Variants in ZPLD1 observed in about 807,000 individuals in gnomAD.
The protein encoded by ZPLD1 is zona pellucida-like domain-containing protein 1.
ZPLD1 carries 34 observed loss-of-function variants against 47.2 expected under a neutral mutation model. The ratio of observed to expected loss-of-function variants is 0.72; its 90% CI spans 0.55 to 0.96. The LOEUF (loss-of-function observed/expected upper bound fraction) is 0.96, where lower values mean the gene tolerates loss of function less well. Among genes scored for constraint, ZPLD1 ranks in the 40% least tolerant of loss-of-function variants. ZPLD1 has a pLI of 0.00. For missense variants in ZPLD1, 512 were observed against 505.8 expected, an observed-to-expected ratio of 1.01 and a Z score of -0.12; for synonymous variants, 176 against 186.2, an observed-to-expected ratio of 0.95 and a Z score of 0.45.
chr3:102,418,345 G>A (rs914913843), intron 8 of ZPLD1: 1 of 152,016 alleles, frequency 6.6e-6, no homozygotes, highest in African/African-American at 2.4e-5. Context: ...TGTAGTTGTT[G>A]TTGTGGTTCC....
rs534808681 is a variant in ZPLD1 at position 102,443,884 on chromosome 3, T to C, written c.106+5291T>C. On this transcript the variant is annotated intron_variant, in intron 3 of 11. Coordinates refer to ENST00000466937, the MANE Select transcript of ZPLD1 (RefSeq NM_001329788.2). ...GCCAATTCTCCTTTATTCCTACTTT[T>C]TAGTGGTAGTGCTTTGGTCTCCAAG... Among the ~76,000 whole-genome samples the C allele has an allele frequency of 3.3e-5, 5 of 152,364 alleles. No individual in the cohort carries two copies. The South Asian group carries it at 1.0e-3, about 32-fold the overall frequency.
At chr3:102,455,656 A>C (rs1380910919) in intron 4 of ZPLD1, among the ~76,000 whole-genome samples, 1 of 152,182 alleles carries the variant, frequency 6.6e-6, no homozygotes, top group East Asian at 1.9e-4. Flanking sequence ...ATGATGGCTG[A>C]GGGAACTGCC....
chr3:102,425,702 A>G (rs1706937191), intron 8 of ZPLD1, among the ~76,000 whole-genome samples: 1 of 152,132 alleles, frequency 6.6e-6, no homozygotes, highest in South Asian at 2.1e-4. Flanking sequence ...TGGTAGGGAT[A>G]TAATTTTCTT....
At chr3:102,427,985 G>T (rs1317355765) in intron 8 of ZPLD1, among the ~76,000 whole-genome samples, 2 of 152,058 alleles carry the variant, frequency 1.3e-5, no homozygotes, top group Non-Finnish European at 2.9e-5. Context: ...AAGCTGAAGT[G>T]CTTCCTTTTG....
At chr3:102,432,383 T>A (rs915266862), upstream of ZPLD1, among the ~76,000 whole-genome samples, 1 of 152,210 alleles carries the variant, frequency 6.6e-6, no homozygotes, top group Non-Finnish European at 1.5e-5. Context: ...ATCTGTATGA[T>A]AAAAAACTAG....
Position 102,438,654 on chromosome 3 carries a change from C to G in ZPLD1, c.106+61C>G, listed in dbSNP as rs574367527. ...TGGAAGAGTGATTATATTTGAAGAG[C>G]AAGTCATTTAAATATATATGGAGAA... On this transcript the variant is annotated intron_variant, in intron 3 of 11. Transcript: ENST00000466937. 9.6e-5 allele frequency: 125 copies of G among 1,304,698 alleles called. No individual in the cohort carries two copies. In the African/African-American group the frequency reaches 1.4e-3, roughly 14 times the overall value. The allele number at this position is 1,304,698 out of a possible 1,614,324, so 80.8% of individuals were successfully genotyped here.
intron 7 of ZPLD1, among the ~76,000 whole-genome samples, chr3:102,413,656 G>C (rs1706771103): frequency 6.6e-6 from 1 of 151,660 alleles, no homozygotes; most frequent in South Asian, 2.1e-4. Context: ...TAACTCAGGA[G>C]AATGCCAGTA....
intron 3 of ZPLD1, among the ~76,000 whole-genome samples, chr3:102,451,285 C>T (rs1707333256): frequency 6.6e-6 from 1 of 152,108 alleles, no homozygotes; most frequent in Non-Finnish European, 1.5e-5. Context: ...TAATTCTATG[C>T]TAAAAAACTT....
At chr3:102,427,532 A>T (rs543151326) in intron 8 of ZPLD1, among the ~76,000 whole-genome samples, 1 of 152,288 alleles carries the variant, frequency 6.6e-6, no homozygotes, top group African/African-American at 2.4e-5. Context: ...AAAGGAGGTG[A>T]TATTTGAAGG....
intron 7 of ZPLD1, among the ~76,000 whole-genome samples, chr3:102,400,519 C>T (rs958445541): frequency 1.3e-5 from 2 of 152,048 alleles, no homozygotes; most frequent in Non-Finnish European, 2.9e-5. Context: ...CACCCTCTGC[C>T]TTCTCCATGC....
At chr3:102,425,154 T>A (rs529463785) in intron 8 of ZPLD1, among the ~76,000 whole-genome samples, 15 of 152,300 alleles carry the variant, frequency 9.8e-5, no homozygotes, top group Admixed American at 8.5e-4. Context: ...TTATATTTCA[T>A]CTTTGTTTTA....
chr3:102,443,503 G>C (rs1378287721), intron 3 of ZPLD1, among the ~76,000 whole-genome samples: 1 of 152,180 alleles, frequency 6.6e-6, no homozygotes, highest in Non-Finnish European at 1.5e-5. Flanking sequence ...TTTTAAAAAT[G>C]ATGTATGTGT....
intron 4 of ZPLD1, among the ~76,000 whole-genome samples, chr3:102,455,571 C>T (rs1435441573): frequency 6.6e-6 from 1 of 152,116 alleles, no homozygotes; most frequent in Admixed American, 6.6e-5. Flanking sequence ...CTTTCTGGGG[C>T]CCAAAATGCT....
intron 10 of ZPLD1, among the ~76,000 whole-genome samples, chr3:102,472,462 G>A (rs1707699646): frequency 6.6e-6 from 1 of 151,638 alleles, no homozygotes. Flanking sequence ...AGCCAGGGAG[G>A]CAGAGGTTGC....
At chr3:102,457,651 T>A (rs1707439187) in intron 5 of ZPLD1, 130 bp from the exon 6 acceptor site, 1 of 762,272 alleles carries the variant, frequency 1.3e-6, no homozygotes, top group African/African-American at 1.7e-5. Flanking sequence ...TTAAACAGTA[T>A]AGCAACTCCA....
In ZPLD1 at chr3:102,416,995, T is replaced by C. The variant is rs540539522; in HGVS notation, c.-156-1065T>C. ...AATCACTTACCATTTAGGGAAAGAGTTTGGTCCAGGGGGTTGACTAGAAAT... is the reference window on the plus strand; with the variant it reads ...AATCACTTACCATTTAGGGAAAGAGCTTGGTCCAGGGGGTTGACTAGAAAT... On this transcript the variant is annotated intron_variant, in intron 7 of 17. Coordinates refer to the ZPLD1 transcript ENST00000491959. Among the ~76,000 whole-genome samples the C allele has an allele frequency of 1.5e-3, 233 of 152,010 alleles. 1 individual carries two copies. The highest frequency in any genetic ancestry group is 5.3e-3 in the African/African-American group (220 of 41,506).
chr3:102,409,262 A>AT (rs1706724575), intron 7 of ZPLD1, among the ~76,000 whole-genome samples: 1 of 151,808 alleles, frequency 6.6e-6, no homozygotes, highest in South Asian at 2.1e-4. Flanking sequence ...AGAGTACTCC[A>AT]TCGTTTTTCC....
At chr3:102,471,004 C>T (rs531551880) in intron 10 of ZPLD1, among the ~76,000 whole-genome samples, 3 of 152,244 alleles carry the variant, frequency 2.0e-5, no homozygotes, top group South Asian at 2.1e-4. Flanking sequence ...GTCTCGAACT[C>T]CTGACCTCAT....
At chr3:102,470,105 T>A (rs766883902) in intron 9 of ZPLD1, among the ~76,000 whole-genome samples, 1 of 151,966 alleles carries the variant, frequency 6.6e-6, no homozygotes, top group Non-Finnish European at 1.5e-5. Context: ...TTGAGAGAAA[T>A]AAAAGTAGAA....
Sources: allele counts gnomAD v4.1 joint callset (sites outside exome capture counted in the v4.1 genomes callset), GRCh38; gene constraint gnomAD v4.1.1; transcripts MANE v1.5; gene names NCBI Gene and HGNC (gene_info 2026-07-23, HGNC 2026-07-21).